Variants in DHRSX observed in about 807,000 individuals in gnomAD.
DHRSX encodes the protein polyprenol dehydrogenase.
A neutral mutation model predicts 34.0 loss-of-function variants in DHRSX; 31 were observed. That is an observed-to-expected ratio of 0.91 (90% confidence interval 0.69 to 1.23). The LOEUF is 1.23. Among genes scored for constraint, DHRSX ranks in the 50% most tolerant of loss-of-function variants. DHRSX has a pLI of 0.00. For synonymous variants in DHRSX, 201 were observed against 183.8 expected (o/e 1.09, Z -0.76); for missense variants, 414 against 428.1 (o/e 0.97, Z 0.29).
At chrX:2,331,982 G>A (rs1047827024) in intron 3 of DHRSX, among the ~76,000 whole-genome samples, 32 of 152,186 alleles carry the variant, frequency 2.1e-4, no homozygotes, top group Non-Finnish European at 3.4e-4. Flanking sequence ...GTTTTGACTC[G>A]CGAAATGTTC....
At chrX:2,354,853 G>A (rs2042829695) in intron 3 of DHRSX, among the ~76,000 whole-genome samples, 1 of 152,058 alleles carries the variant, frequency 6.6e-6, no homozygotes, top group Non-Finnish European at 1.5e-5. Flanking sequence ...AGGTCCACGG[G>A]GCAAGGAGGA....
At chrX:2,248,865 T>A (rs1301702549) in intron 5 of DHRSX, among the ~76,000 whole-genome samples, 1 of 152,194 alleles carries the variant, frequency 6.6e-6, no homozygotes, top group Non-Finnish European at 1.5e-5. Flanking sequence ...ACGGATTTCG[T>A]TCAGACGTCG....
In DHRSX at chrX:2,290,991, C is replaced by T. The variant is rs190279827; in HGVS notation, c.388+511G>A. The stretch of plus-strand genomic sequence containing the variant: ...CGTTGCAATGACCTTAAGCACTCAG[C>T]GAGGCTCAAAGAAGGGCTCAAGGTC... On this transcript the variant is annotated intron_variant, in intron 4 of 6. Coordinates refer to ENST00000334651, the MANE Select transcript of DHRSX (RefSeq NM_145177.3). Among the ~76,000 whole-genome samples, 39 of 152,180 alleles carry T rather than the reference C, an allele frequency of 2.6e-4. No homozygotes were observed. The East Asian group carries it at 6.6e-3, about 26-fold the overall frequency.
chrX:2,491,411 C>T (rs1395920343), intron 1 of DHRSX, among the ~76,000 whole-genome samples: 2 of 152,102 alleles, frequency 1.3e-5, no homozygotes, highest in African/African-American at 4.8e-5. Context: ...TGTTCCTGTC[C>T]TAAGAGTTTC....
chrX:2,424,825 T>C (rs748188520), intron 2 of DHRSX, among the ~76,000 whole-genome samples: 1 of 152,258 alleles, frequency 6.6e-6, no homozygotes, highest in African/African-American at 2.4e-5. Flanking sequence ...GACACCTAAG[T>C]AGCTCACATT....
At chrX:2,369,991 T>C (rs1000002895) in intron 3 of DHRSX, among the ~76,000 whole-genome samples, 13 of 152,038 alleles carry the variant, frequency 8.6e-5, no homozygotes, top group South Asian at 4.2e-4. Flanking sequence ...AGGCTGTCTT[T>C]TCCAGCAGGA....
intron 6 of DHRSX, among the ~76,000 whole-genome samples, chrX:2,231,776 ATCC>A (rs200117027): frequency 0.014 from 1,855 of 132,752 alleles, 23 homozygotes; most frequent in Non-Finnish European, 0.021. Flanking sequence ...TTTCTGCCTT[ATCC>A]TCCTCCTGTT....
At chrX:2,272,146 C>A (rs988408422) in intron 4 of DHRSX, among the ~76,000 whole-genome samples, 6 of 151,974 alleles carry the variant, frequency 3.9e-5, no homozygotes, top group Admixed American at 3.9e-4. Context: ...AAAAAAAAAC[C>A]AACAACAAAA....
At chrX:2,353,086 A>T (rs970279449) in intron 3 of DHRSX, among the ~76,000 whole-genome samples, 2 of 152,132 alleles carry the variant, frequency 1.3e-5, no homozygotes, top group Admixed American at 6.6e-5. Context: ...TACAAAAAAA[A>T]ATACAAATAT....
At chrX:2,393,595 C>T (rs1405531257) in intron 3 of DHRSX, among the ~76,000 whole-genome samples, 3 of 137,780 alleles carry the variant, frequency 2.2e-5, no homozygotes, top group African/African-American at 8.3e-5. Context: ...ATCTCCTCTG[C>T]ACACACGACA....
intron 5 of DHRSX, among the ~76,000 whole-genome samples, chrX:2,262,521 A>G (rs1410222710): frequency 6.6e-6 from 1 of 152,134 alleles, no homozygotes; most frequent in Non-Finnish European, 1.5e-5. Context: ...ATGGGCACGC[A>G]TGCACCTCAC....
intron 6 of DHRSX, among the ~76,000 whole-genome samples, chrX:2,235,367 G>A (rs1350158595): frequency 1.3e-5 from 2 of 152,128 alleles, no homozygotes; most frequent in African/African-American, 2.4e-5. Flanking sequence ...ACTAGAAGCC[G>A]GGACTTCACC....
intron 6 of DHRSX, among the ~76,000 whole-genome samples, chrX:2,234,930 T>C (rs1232713069): frequency 1.3e-5 from 2 of 152,104 alleles, no homozygotes; most frequent in Admixed American, 1.3e-4. Flanking sequence ...AGGCTGGTCT[T>C]GAACTCATGA....
intron 1 of DHRSX, among the ~76,000 whole-genome samples, chrX:2,430,558 C>T (rs2043905890): frequency 6.6e-6 from 1 of 152,126 alleles, no homozygotes; most frequent in South Asian, 2.1e-4. Flanking sequence ...GCTCCTTCTA[C>T]CCAATTCCTC....
intron 1 of DHRSX, among the ~76,000 whole-genome samples, chrX:2,435,234 C>T (rs368375525): frequency 1.6e-4 from 25 of 152,228 alleles, no homozygotes; most frequent in African/African-American, 5.8e-4. Flanking sequence ...CTTCACAAAC[C>T]TGCACGCACT....
At chrX:2,323,208 A>T (rs1444969922) in intron 3 of DHRSX, among the ~76,000 whole-genome samples, 1 of 152,226 alleles carries the variant, frequency 6.6e-6, no homozygotes, top group Non-Finnish European at 1.5e-5. Flanking sequence ...GGAAGGCAGA[A>T]TAAAGACTCA....
chrX:2,385,106 A>ATGTGTG (rs1569495967), intron 3 of DHRSX, among the ~76,000 whole-genome samples: 3 of 67,472 alleles, frequency 4.4e-5, no homozygotes, highest in East Asian at 1.2e-3. Flanking sequence ...CATCTCAAAT[A>ATGTGTG]TATATGTGTG....
At chrX:2,467,491 C>G (rs1225618215) in intron 1 of DHRSX, among the ~76,000 whole-genome samples, 1 of 152,018 alleles carries the variant, frequency 6.6e-6, no homozygotes, top group Non-Finnish European at 1.5e-5. Flanking sequence ...ACAGGGACAA[C>G]GTGCGGCACA....
Position 2,243,788 on chromosome X carries a change from GTTTTTTTTTTTTTTTT to G in DHRSX, c.597-574_597-559del, listed in dbSNP as rs778957532. Among the ~76,000 whole-genome samples the G allele has an allele frequency of 7.5e-4, 19 of 25,184 alleles. No individual in the cohort carries two copies. In the East Asian group the frequency reaches 9.7e-3, roughly 13 times the overall value. The allele number at this position is 25,184 out of a possible 152,430, so 16.5% of individuals were successfully genotyped here. A position where few individuals can be genotyped will look rare whatever the true frequency, so the allele number is the denominator to read the frequency against. On this transcript the variant is annotated intron_variant, in intron 5 of 6. Coordinates refer to ENST00000334651, the MANE Select transcript of DHRSX (RefSeq NM_145177.3). ...ACAGGCAGGAGCCACTATGCTCCCT[GTTTTTTTTTTTTTTTT>G]TTTTTTTTTTTTTTTTTTGAGACAG...
Sources: allele counts gnomAD v4.1 joint callset (sites outside exome capture counted in the v4.1 genomes callset), GRCh38; gene constraint gnomAD v4.1.1; transcripts MANE v1.5; gene names NCBI Gene and HGNC (gene_info 2026-07-23, HGNC 2026-07-21).